Variants in NFIB observed in about 807,000 individuals in gnomAD.
NFIB encodes the protein nuclear factor 1 B-type.
A neutral mutation model predicts 61.5 loss-of-function variants in NFIB; 11 were observed. The observed-to-expected ratio is 0.18, with a 90% CI of 0.11 to 0.30. The LOEUF is 0.30. Ranked by LOEUF, NFIB falls within the 10% of genes least tolerant of loss-of-function variation. The pLI, the probability that NFIB is intolerant of heterozygous loss-of-function variation, is 1.00. For missense variants in NFIB, 471 were observed against 608.9 expected, an observed-to-expected ratio of 0.77 and a Z score of 2.38; for synonymous variants, 260 against 216.5, an observed-to-expected ratio of 1.20 and a Z score of -1.76.
intron 1 of NFIB, among the ~76,000 whole-genome samples, chr9:14,341,973 G>A (rs1012035630): frequency 6.6e-6 from 1 of 151,964 alleles, no homozygotes; most frequent in African/African-American, 2.4e-5. Flanking sequence ...ATTTTGACAA[G>A]GTCAAAATAC....
intron 2 of NFIB, among the ~76,000 whole-genome samples, chr9:14,249,457 C>T (rs187552613): frequency 1.3e-5 from 2 of 152,280 alleles, no homozygotes; most frequent in Admixed American, 1.3e-4. Flanking sequence ...AAATGATTCA[C>T]CACAATTGTT....
chr9:14,363,646 T>TGC (rs139515055), intron 1 of NFIB, among the ~76,000 whole-genome samples: 7 of 123,754 alleles, frequency 5.7e-5, no homozygotes, highest in African/African-American at 7.6e-5. Context: ...CATATATATG[T>TGC]ATATGTACAC....
At chr9:14,420,159 T>C in the NFIB span, among the ~76,000 whole-genome samples, 2 of 152,068 alleles carry the variant, frequency 1.3e-5, no homozygotes, top group Admixed American at 6.5e-5. Context: ...AATGACGTTA[T>C]TAAAGAGCCG....
the NFIB span, among the ~76,000 whole-genome samples, chr9:14,470,205 A>C: frequency 6.6e-6 from 1 of 152,168 alleles, no homozygotes; most frequent in Non-Finnish European, 1.5e-5. Context: ...CACAGGTTGG[A>C]AACAGCTGTT....
chr9:14,423,737 C>A, the NFIB span, among the ~76,000 whole-genome samples: 3 of 152,222 alleles, frequency 2.0e-5, no homozygotes, highest in Non-Finnish European at 4.4e-5. Flanking sequence ...CCAGAACTTT[C>A]CTGTTGATCC....
At chr9:14,275,478 T>C (rs902183400) in intron 2 of NFIB, among the ~76,000 whole-genome samples, 2 of 152,124 alleles carry the variant, frequency 1.3e-5, no homozygotes, top group Admixed American at 1.3e-4. Context: ...GGCGCCATGG[T>C]TAGGATATCA....
At chr9:14,331,974 C>T (rs894213971) in intron 1 of NFIB, among the ~76,000 whole-genome samples, 3 of 152,150 alleles carry the variant, frequency 2.0e-5, no homozygotes, top group African/African-American at 7.2e-5. Context: ...CGACAATGAC[C>T]AGACTCCAAG....
Position 14,150,242 on chromosome 9 carries a change from C to T in NFIB, c.709G>A (p.Val237Ile). The change falls in exon 5 of 11, where the codon GTC becomes ATC. Residue 237 changes from valine to isoleucine, a missense_variant. By Grantham distance (29) the Val-to-Ile change is conservative (BLOSUM62 3). Around this residue, in one of 2 missense-constraint regions of NFIB, gnomAD observed 372 missense variants for 395.6 expected, o/e 0.94. Transcript: ENST00000380953. Reference protein sequence around the residue: ...SRTPITQGTGVNFPIGEIPSQ... With the variant: ...SRTPITQGTGINFPIGEIPSQ... The stretch of plus-strand genomic sequence containing the variant: ...GGGATTTCTCCAATTGGGAAGTTGA[C>T]TCCAGTTCCCTGGGTTATGGGCGCT... 2 of 1,613,442 alleles carry T rather than the reference C, an allele frequency of 1.2e-6. No individual in the cohort carries two copies. Among genetic ancestry groups the T allele is most frequent in the Non-Finnish European group, 1.7e-6 (2 of 1,179,506 alleles).
chr9:14,417,774 GTTT>G, the NFIB span, among the ~76,000 whole-genome samples: 9 of 91,774 alleles, frequency 9.8e-5, no homozygotes, highest in East Asian at 6.6e-4. Flanking sequence ...CCTAGGAACA[GTTT>G]TTTTTTTTTT....
the NFIB span, among the ~76,000 whole-genome samples, chr9:14,433,940 T>C: frequency 6.6e-6 from 1 of 152,210 alleles, no homozygotes; most frequent in African/African-American, 2.4e-5. Context: ...TCTCCCCTCC[T>C]GCCGTGACTC....
intron 1 of NFIB, among the ~76,000 whole-genome samples, chr9:14,369,681 C>T (rs1433278150): frequency 2.0e-5 from 3 of 152,280 alleles, no homozygotes; most frequent in East Asian, 3.9e-4. Flanking sequence ...ACTTCTACTC[C>T]TTCTTTTCTC....
intron 2 of NFIB, among the ~76,000 whole-genome samples, chr9:14,283,222 A>T (rs2132453160): frequency 6.6e-6 from 1 of 152,200 alleles, no homozygotes; most frequent in Non-Finnish European, 1.5e-5. Flanking sequence ...TATCACTGTG[A>T]CTCCGGACTA....
chr9:14,493,121 T>C, the NFIB span, among the ~76,000 whole-genome samples: 4 of 152,192 alleles, frequency 2.6e-5, no homozygotes, highest in African/African-American at 9.6e-5. Context: ...GGCAGTGCTC[T>C]CTCTCTTTTA....
intron 1 of NFIB, among the ~76,000 whole-genome samples, chr9:14,327,450 G>A (rs1370011012): frequency 6.6e-6 from 1 of 152,218 alleles, no homozygotes; most frequent in Non-Finnish European, 1.5e-5. Flanking sequence ...CCAGGGAGTA[G>A]AGGAGGAATT....
chr9:14,355,652 TG>T (rs747323143), intron 1 of NFIB, among the ~76,000 whole-genome samples: 2 of 152,206 alleles, frequency 1.3e-5, no homozygotes, highest in Non-Finnish European at 2.9e-5. Flanking sequence ...TGCCCCACGT[TG>T]GCTTAAATAC....
chr9:14,384,028 G>A (rs912110640), intron 1 of NFIB, among the ~76,000 whole-genome samples: 4 of 152,218 alleles, frequency 2.6e-5, no homozygotes, highest in African/African-American at 9.6e-5. Flanking sequence ...TGGCTGGGGG[G>A]CGTGATGCTT....
chr9:14,457,660 C>T, the NFIB span, among the ~76,000 whole-genome samples: 2 of 151,020 alleles, frequency 1.3e-5, no homozygotes, highest in African/African-American at 4.9e-5. Context: ...ATCAAATAGA[C>T]ACAATAAAAA....
intron 9 of NFIB, among the ~76,000 whole-genome samples, chr9:14,113,414 T>G (rs1222900311): frequency 6.6e-6 from 1 of 152,206 alleles, no homozygotes; most frequent in Non-Finnish European, 1.5e-5. Flanking sequence ...AGACGTACTT[T>G]TTCACCAGAT....
At chr9:14,511,256 TA>T in the NFIB span, among the ~76,000 whole-genome samples, 13 of 152,100 alleles carry the variant, frequency 8.5e-5, no homozygotes, top group Non-Finnish European at 2.9e-5. Context: ...AGTTCGTTTA[TA>T]TTTTTTTGTG....
Sources: gnomAD v4.1 joint callset for allele counts (sites outside exome capture counted in the v4.1 genomes callset) on GRCh38, gnomAD v4.1.1 for gene constraint, gnomAD v4.1.1 regional missense constraint, MANE v1.5 for transcripts, NCBI Gene and HGNC (gene_info 2026-07-23, HGNC 2026-07-21) for gene names.